Variants in MYH11 observed in about 807,000 individuals in gnomAD.
MYH11 encodes myosin-11.
A neutral mutation model predicts 246.6 loss-of-function variants in MYH11; 80 were observed. The ratio of observed to expected loss-of-function variants is 0.32; its 90% CI spans 0.27 to 0.39. The LOEUF is 0.39. MYH11 is among the 10% of genes least tolerant of loss of function. The probability of loss-of-function intolerance (pLI) is 1.00; values close to 1 mark genes in which losing one functional copy is unlikely to be tolerated. For synonymous variants in MYH11, 1,071 were observed against 1,015.5 expected (o/e 1.05, Z -1.04); for missense variants, 2,158 against 2,546.8 (o/e 0.85, Z 3.29).
At position 15,720,187 on chromosome 16, in the gene MYH11, C is replaced by A; in HGVS notation, c.4917G>T (p.Gly1639=). The A allele has an allele frequency of 1.2e-6, 2 of 1,614,160 alleles. No homozygotes were observed. Among genetic ancestry groups the A allele is most frequent in the Non-Finnish European group, 1.7e-6 (2 of 1,180,032 alleles). ...GTAGCTGCTTGATGGCTTCCTCCCT[C>A]CCCTTGATGGCAGAGTCGGCCTGAA... ...LELQADSAIK[G]REEAIKQLRK... The change falls in exon 34 of 41, where the codon GGG becomes GGT. Residue 1639 remains glycine, a synonymous_variant. Transcript: ENST00000300036.
Position 15,715,074 on chromosome 16 carries a change from T to C in MYH11, c.5621A>G (p.Lys1874Arg). The change falls in exon 40 of 41, where the codon AAA becomes AGA. Residue 1874 changes from lysine to arginine, a missense_variant. Around this residue, in one of 11 missense-constraint regions of MYH11, gnomAD observed 1,013 missense variants for 993.5 expected, o/e 1.02. Coordinates refer to ENST00000300036, the MANE Select transcript of MYH11 (RefSeq NM_002474.3). ...GAGCTGCTTGACCCTGGCATTGCCT[T>C]TCTCTGCCTGTCGCGGAGAGTTGGA... ...MAEQYKEQAE[K>R]GNARVKQLKR... 1 of 1,613,254 alleles carries C rather than the reference T, an allele frequency of 6.2e-7. No individual in the cohort carries two copies. The highest frequency in any genetic ancestry group is 8.5e-7 in the Non-Finnish European group (1 of 1,180,022).
chr16:15,788,783 C>T (rs923779313), intron 4 of MYH11, among the ~76,000 whole-genome samples: 1 of 149,368 alleles, frequency 6.7e-6, no homozygotes, highest in Admixed American at 6.7e-5. Flanking sequence ...GAAGGGGAAA[C>T]TAAGACCAGA....
intron 26 of MYH11, among the ~76,000 whole-genome samples, chr16:15,733,831 C>A (rs891232051): frequency 5.9e-5 from 9 of 152,204 alleles, no homozygotes; most frequent in Admixed American, 1.3e-4. Flanking sequence ...GCATGAGCCA[C>A]CATACCTGGC....
chr16:15,835,310 A>C (rs976194016), intron 2 of MYH11, among the ~76,000 whole-genome samples: 1 of 152,170 alleles, frequency 6.6e-6, no homozygotes, highest in African/African-American at 2.4e-5. Context: ...GCAAGTCACT[A>C]AACTGTGTGC....
chr16:15,709,503 C>G (rs556077768), intron 40 of MYH11, among the ~76,000 whole-genome samples: 1 of 152,018 alleles, frequency 6.6e-6, no homozygotes, highest in Non-Finnish European at 1.5e-5. Flanking sequence ...TTAGTAGAGA[C>G]GGAGTTTCAC....
rs772155686 is a variant in MYH11, at chr16:15,704,029, G to C, written c.5881C>G (p.Arg1961Gly). Residue 1961 changes from arginine (R) to glycine (G), a missense_variant, in exon 41 of 41, where the codon CGA becomes GGA. Physicochemically the swap from Arg to Gly is moderately radical, Grantham distance 125. Transcript: ENST00000300036. ...TTGGTTCCATTGAAGTCTGCGTCTC[G>C]AGTGTCCGTTTCCTCCTCAGAACCA... ...ADGSEEETDT[R>G]DADFNGTKAS... The C allele has an allele frequency of 6.2e-7, 1 of 1,614,018 alleles. No homozygotes were observed. Among genetic ancestry groups the C allele is most frequent in the Non-Finnish European group, 8.5e-7 (1 of 1,180,006 alleles).
chr16:15,787,559 T>C (rs578208605), intron 4 of MYH11, among the ~76,000 whole-genome samples: 106 of 144,924 alleles, frequency 7.3e-4, no homozygotes, highest in Admixed American at 3.4e-3. Context: ...TTCAGCTCAC[T>C]GCAAGCTCCA....
chr16:15,711,832 A>G (rs893491479), intron 40 of MYH11, among the ~76,000 whole-genome samples: 21 of 152,144 alleles, frequency 1.4e-4, no homozygotes, highest in African/African-American at 5.1e-4. Context: ...AGCTGGGATT[A>G]CAGGCACGCC....
intron 38 of MYH11, among the ~76,000 whole-genome samples, chr16:15,716,124 T>G (rs59728604): frequency 0.038 from 5,796 of 152,012 alleles, 376 homozygotes; most frequent in African/African-American, 0.13. Context: ...TAAAAAAGTC[T>G]TGCTATGCTG....
intron 40 of MYH11, 32 bp downstream of exon 40, chr16:15,714,877 G>A: frequency 6.2e-7 from 1 of 1,611,916 alleles, no homozygotes; most frequent in Non-Finnish European, 8.5e-7. Flanking sequence ...TGGCCTGAGA[G>A]ACGGGGTCCT....
At chr16:15,845,326 C>G (rs971053854) in intron 1 of MYH11, among the ~76,000 whole-genome samples, 2 of 143,676 alleles carry the variant, frequency 1.4e-5, no homozygotes, top group Admixed American at 7.2e-5. Flanking sequence ...AGCTCATCAG[C>G]TATCATTAGT....
Position 15,750,404 on chromosome 16 carries a change from G to T in MYH11, c.1865-73C>A. ...TAAATAGGCCAGAGGCTCAGCCCCA[G>T]CCCCACCCACCAACCTGCCCACTCC... On this transcript the variant is annotated intron_variant, in intron 15 of 40. Transcript: ENST00000300036. The surrounding 1 kb of genome is among the most constrained non-coding windows in gnomAD (Gnocchi z 4.3). 1 of 1,447,916 alleles carries T rather than the reference G, an allele frequency of 6.9e-7. No individual in the cohort carries two copies. Among genetic ancestry groups the T allele is most frequent in the Non-Finnish European group, 9.4e-7 (1 of 1,065,820 alleles). 89.7% of individuals were successfully genotyped at this position (1,447,916 alleles called of 1,614,324 possible). A position where few individuals can be genotyped will look rare whatever the true frequency, so the allele number is the denominator to read the frequency against.
At chr16:15,788,077 C>CTGTTTTTTTTTTTT (rs2042515685) in intron 4 of MYH11, among the ~76,000 whole-genome samples, 1 of 55,376 alleles carries the variant, frequency 1.8e-5, no homozygotes, top group African/African-American at 6.2e-5. Flanking sequence ...GAAGGTAGAT[C>CTGTTTTTTTTTTTT]TTTTTTTTTT....
intron 2 of MYH11, among the ~76,000 whole-genome samples, chr16:15,836,768 A>AGGCT (rs1391649529): frequency 1.7e-5 from 2 of 118,748 alleles, no homozygotes; most frequent in Non-Finnish European, 3.3e-5. Context: ...CTTATTGCCC[A>AGGCT]GGCTGGAGTG....
At chr16:15,855,575 C>G (rs1161428530) in intron 1 of MYH11, among the ~76,000 whole-genome samples, 2 of 152,178 alleles carry the variant, frequency 1.3e-5, no homozygotes, top group Non-Finnish European at 2.9e-5. Context: ...TAAAGCCTTT[C>G]TTATGAAGTT....
At chr16:15,715,851 C>T (rs1355941651) in intron 38 of MYH11, among the ~76,000 whole-genome samples, 1 of 152,078 alleles carries the variant, frequency 6.6e-6, no homozygotes, top group Non-Finnish European at 1.5e-5. Context: ...TCTGGCCAGG[C>T]GTGGTGGCTC....
Position 15,837,914 on chromosome 16 carries a change from T to C in MYH11, c.339A>G (p.Leu113=). The C allele has an allele frequency of 6.2e-7, 1 of 1,613,626 alleles. No homozygotes were observed. Among genetic ancestry groups the C allele is most frequent in the Non-Finnish European group, 8.5e-7 (1 of 1,179,650 alleles). Residue 113 remains leucine, a synonymous_variant, in exon 2 of 41, where the codon CTA becomes CTG. Coordinates refer to ENST00000300036, the MANE Select transcript of MYH11 (RefSeq NM_002474.3). ...HNLRERYFSG[L]IYTYSGLFCV... is the part of the protein sequence containing the mutation. ...GGCTGCCTGCAATACTCACATATAT[T>C]AGCCCTGAGAAGTACCGCTCCCTCA... is the stretch of plus-strand genomic sequence containing the variant.
chr16:15,737,758 C>CATT, intron 24 of MYH11, 138 bp from the exon 25 acceptor site: 2 of 844,170 alleles, frequency 2.4e-6, no homozygotes, highest in Non-Finnish European at 3.8e-6. Context: ...CGGTCTGGAC[C>CATT]ATTATCTCCC....
chr16:15,848,879 G>A (rs745959939), intron 1 of MYH11, among the ~76,000 whole-genome samples: 7 of 152,120 alleles, frequency 4.6e-5, no homozygotes, highest in East Asian at 1.9e-4. Flanking sequence ...GACCAGAGAC[G>A]GACCGCCAGT....
Sources: allele counts gnomAD v4.1 joint callset (sites outside exome capture counted in the v4.1 genomes callset), GRCh38; gene constraint gnomAD v4.1.1; regional missense constraint gnomAD v4.1.1; non-coding constraint Gnocchi (gnomAD v3.1); transcripts MANE v1.5; gene names NCBI Gene and HGNC (gene_info 2026-07-23, HGNC 2026-07-21).